Variants in ZNF385B observed in about 807,000 individuals in gnomAD.
The protein encoded by ZNF385B is zinc finger protein 385B, also known as zinc finger protein 533.
A neutral mutation model predicts 39.2 loss-of-function variants in ZNF385B; 23 were observed. The observed-to-expected ratio is 0.59, with a 90% CI of 0.42 to 0.83. ZNF385B has a LOEUF of 0.83. ZNF385B is among the 40% of genes least tolerant of loss of function. ZNF385B has a pLI of 0.00. For missense variants in ZNF385B, 552 were observed against 598.9 expected (o/e 0.92, Z 0.82); for synonymous variants, 205 against 222.6 (o/e 0.92, Z 0.70).
intron 1 of ZNF385B, among the ~76,000 whole-genome samples, chr2:179,857,642 A>T (rs1050112067): frequency 6.6e-6 from 1 of 152,198 alleles, no homozygotes; most frequent in Non-Finnish European, 1.5e-5. Context: ...CTCTATGACG[A>T]TGCCTCAGGA....
intron 1 of ZNF385B, among the ~76,000 whole-genome samples, chr2:179,846,385 C>T (rs958936472): frequency 4.6e-5 from 7 of 152,144 alleles, no homozygotes; most frequent in African/African-American, 1.4e-4. Context: ...GGAAATTTGC[C>T]GACACAAGGT....
At chr2:179,663,256 C>T (rs1694707938) in intron 3 of ZNF385B, among the ~76,000 whole-genome samples, 1 of 152,156 alleles carries the variant, frequency 6.6e-6, no homozygotes. Context: ...ACCAGAATTG[C>T]TTAACTGAAT....
At chr2:179,739,249 G>C (rs1701945619) in intron 3 of ZNF385B, among the ~76,000 whole-genome samples, 1 of 152,192 alleles carries the variant, frequency 6.6e-6, no homozygotes, top group Non-Finnish European at 1.5e-5. Context: ...ACCATTTATT[G>C]CATCCACTCC....
intron 3 of ZNF385B, among the ~76,000 whole-genome samples, chr2:179,761,761 CTTTTTTTTTTTTT>C (rs34325728): frequency 9.1e-6 from 1 of 110,288 alleles, no homozygotes; most frequent in Non-Finnish European, 1.8e-5. Context: ...TTTTTCTTTT[CTTTTTTTTTTTTT>C]TTTTTTTGCT....
At chr2:179,520,117 A>T (rs2058374649) in intron 4 of ZNF385B, among the ~76,000 whole-genome samples, 1 of 151,866 alleles carries the variant, frequency 6.6e-6, no homozygotes, top group Non-Finnish European at 1.5e-5. Context: ...GGATCACTTG[A>T]GCTTAGGAGT....
In ZNF385B at chr2:179,838,064, G is replaced by A. The variant is rs1207118018; in HGVS notation, c.-155+23037C>T. ...TAATTCTTTAAAAACATAAATCTCT[G>A]ATATTTCTTATTCAAGGCCCAGTGT... On this transcript the variant is annotated intron_variant, in intron 1 of 9. Transcript: ENST00000410066. Among the ~76,000 whole-genome samples, 9 of 152,172 alleles carry A rather than the reference G, an allele frequency of 5.9e-5. No individual in the cohort carries two copies. The South Asian group carries it at 1.9e-3, about 32-fold the overall frequency.
At chr2:179,773,302 G>A (rs1328027644) in intron 1 of ZNF385B, among the ~76,000 whole-genome samples, 2 of 152,182 alleles carry the variant, frequency 1.3e-5, no homozygotes, top group African/African-American at 4.8e-5. Flanking sequence ...TTCTATGTAA[G>A]TGTGAAAAGG....
chr2:179,813,996 T>C (rs1357581112), intron 1 of ZNF385B, among the ~76,000 whole-genome samples: 3 of 152,220 alleles, frequency 2.0e-5, no homozygotes, highest in Non-Finnish European at 2.9e-5. Context: ...ATATAAATCA[T>C]AGCATAACCA....
intron 8 of ZNF385B, 95 bp downstream of exon 8, chr2:179,445,455 A>T: frequency 7.9e-7 from 1 of 1,259,204 alleles, no homozygotes; most frequent in South Asian, 1.5e-5. Flanking sequence ...AGTCAACTTA[A>T]CTGTGAGCAC....
At chr2:179,471,189 T>C (rs936537439) in intron 6 of ZNF385B, among the ~76,000 whole-genome samples, 4 of 152,186 alleles carry the variant, frequency 2.6e-5, no homozygotes, top group African/African-American at 9.6e-5. Context: ...AAGAAATAGA[T>C]ATGACGTTGC....
chr2:179,830,771 T>C (rs1319697524), intron 1 of ZNF385B, among the ~76,000 whole-genome samples: 3 of 152,194 alleles, frequency 2.0e-5, no homozygotes, highest in Non-Finnish European at 2.9e-5. Flanking sequence ...CTGTAGGATA[T>C]TGTAATGGTA....
At chr2:179,782,964 G>T (rs1231620538) in intron 1 of ZNF385B, among the ~76,000 whole-genome samples, 1 of 152,012 alleles carries the variant, frequency 6.6e-6, no homozygotes, top group Non-Finnish European at 1.5e-5. Context: ...ACATTCTTCA[G>T]AGAACTAGAA....
At chr2:179,795,670 C>T (rs755973047) in intron 1 of ZNF385B, among the ~76,000 whole-genome samples, 32 of 151,936 alleles carry the variant, frequency 2.1e-4, no homozygotes, top group Non-Finnish European at 2.2e-4. Flanking sequence ...AATTTATTTT[C>T]GCTAATTTCA....
intron 3 of ZNF385B, among the ~76,000 whole-genome samples, chr2:179,657,645 C>T (rs1693943592): frequency 6.6e-6 from 1 of 152,042 alleles, no homozygotes; most frequent in Admixed American, 6.6e-5. Context: ...TTTATAAAAC[C>T]CATACAGTTT....
At chr2:179,595,213 G>T (rs1360065642) in intron 3 of ZNF385B, among the ~76,000 whole-genome samples, 1 of 152,100 alleles carries the variant, frequency 6.6e-6, no homozygotes, top group Non-Finnish European at 1.5e-5. Context: ...TAGGGTATCT[G>T]ATCTTTTTAT....
chr2:179,673,639 G>A (rs1696350232), intron 3 of ZNF385B, among the ~76,000 whole-genome samples: 1 of 152,054 alleles, frequency 6.6e-6, no homozygotes, highest in African/African-American at 2.4e-5. Flanking sequence ...TCCTTCACTT[G>A]ACTTTCCTCT....
At chr2:179,470,268 G>C (rs1218027879) in intron 6 of ZNF385B, among the ~76,000 whole-genome samples, 1 of 152,202 alleles carries the variant, frequency 6.6e-6, no homozygotes, top group Non-Finnish European at 1.5e-5. Flanking sequence ...GCATCAACCA[G>C]GGCAAGTTTT....
chr2:179,806,380 T>C (rs1706350113), intron 1 of ZNF385B, among the ~76,000 whole-genome samples: 1 of 152,188 alleles, frequency 6.6e-6, no homozygotes, highest in Admixed American at 6.5e-5. Flanking sequence ...GTCTTCTGCC[T>C]GGGTCTTCAG....
At chr2:179,668,952 G>T (rs1001861815) in intron 3 of ZNF385B, among the ~76,000 whole-genome samples, 1 of 152,076 alleles carries the variant, frequency 6.6e-6, no homozygotes, top group Admixed American at 6.6e-5. Context: ...AAAACAAAAG[G>T]AAAGCTTAAA....
Sources: gnomAD v4.1 joint callset for allele counts (sites outside exome capture counted in the v4.1 genomes callset) on GRCh38, gnomAD v4.1.1 for gene constraint, MANE v1.5 for transcripts, NCBI Gene and HGNC (gene_info 2026-07-23, HGNC 2026-07-21) for gene names.